The following LGI2 variants were observed in gnomAD, a reference collection of about 807,000 sequenced individuals.
LGI2 encodes the protein leucine-rich repeat LGI family member 2.
A neutral mutation model predicts 52.0 loss-of-function variants in LGI2; 30 were observed. The ratio of observed to expected loss-of-function variants is 0.58; its 90% CI spans 0.43 to 0.78. The LOEUF is 0.78. LGI2 is among the 30% of genes least tolerant of loss of function. The pLI, the probability that LGI2 is intolerant of heterozygous loss-of-function variation, is 0.00. For synonymous variants in LGI2, 270 were observed against 271.8 expected (o/e 0.99, Z 0.06); for missense variants, 573 against 692.5 (o/e 0.83, Z 1.94).
At position 25,003,272 on chromosome 4, in the gene LGI2, A is replaced by T. The variant is rs1725299782; in HGVS notation, c.*179T>A. The T allele has an allele frequency of 3.7e-6, 2 of 535,174 alleles. No homozygotes were observed. Among genetic ancestry groups the T allele is most frequent in the Non-Finnish European group, 3.2e-6 (1 of 308,612 alleles). The allele number at this position is 535,174 out of a possible 1,614,324, so 33.2% of individuals were successfully genotyped here. On this transcript the variant is annotated 3_prime_UTR_variant, in exon 8 of 8. Transcript: ENST00000382114. ...GGTAGAATGGGCATGTCATGCAGTTAGCCAATAAATGCAATCCCTGATTAA... is the reference window on the plus strand; with the variant it reads ...GGTAGAATGGGCATGTCATGCAGTTTGCCAATAAATGCAATCCCTGATTAA...
chr4:25,012,267 T>G, intron 7 of LGI2, 68 bp downstream of exon 7: 2 of 1,553,934 alleles, frequency 1.3e-6, no homozygotes, highest in Admixed American at 3.4e-5. Context: ...CAGAGGACAT[T>G]CCTCCTCCCG....
Position 25,003,368 on chromosome 4 carries a change from G to T in LGI2, c.*83C>A. 1 of 974,514 alleles carries T rather than the reference G, an allele frequency of 1.0e-6. No individual in the cohort carries two copies. The highest frequency in any genetic ancestry group is 1.5e-6 in the Non-Finnish European group (1 of 662,060). 60.4% of individuals were successfully genotyped at this position (974,514 alleles called of 1,614,324 possible). Reference sequence around the variant, plus strand: ...TTTTAATTTCAGAGCTCTGAGCCTGGCTTTGATTTGTTTGTTGATTTTTCT... The same window carrying T: ...TTTTAATTTCAGAGCTCTGAGCCTGTCTTTGATTTGTTTGTTGATTTTTCT... On this transcript the variant is annotated 3_prime_UTR_variant, in exon 8 of 8. Coordinates refer to ENST00000382114, the MANE Select transcript of LGI2 (RefSeq NM_018176.4).
chr4:25,003,710 G>A lies in LGI2; in HGVS notation c.1379C>T (p.Pro460Leu). ...CTGCAGGGTCATGGCCCCCCGGGAT[G>A]GAAGAGCTTGGATCTCCACAAACTG... is the stretch of plus-strand genomic sequence containing the variant. ...SKQFVEIQALPSRGAMTLQPF... is the reference protein window; with the variant it reads ...SKQFVEIQALLSRGAMTLQPF... The change falls in exon 8 of 8, where the codon CCA becomes CTA. Residue 460 changes from proline (P) to leucine (L), a missense_variant. Pro to Leu is a moderately conservative substitution (Grantham distance 98, BLOSUM62 -3). Coordinates refer to ENST00000382114, the MANE Select transcript of LGI2 (RefSeq NM_018176.4). 2 of 1,614,194 alleles carry A rather than the reference G, an allele frequency of 1.2e-6. No individual in the cohort carries two copies. The highest frequency in any genetic ancestry group is 4.5e-5 in the East Asian group (2 of 44,888).
chr4:25,020,609 G>A (rs932237068), intron 4 of LGI2, among the ~76,000 whole-genome samples: 19 of 152,222 alleles, frequency 1.2e-4, no homozygotes, highest in Non-Finnish European at 8.8e-5. Flanking sequence ...AGATATCTAT[G>A]AAATGCATCT....
In LGI2 at chr4:25,002,298, A is replaced by G. The variant is rs534469538; in HGVS notation, c.*1153T>C. On this transcript the variant is annotated 3_prime_UTR_variant, in exon 8 of 8. Coordinates refer to ENST00000382114, the MANE Select transcript of LGI2 (RefSeq NM_018176.4). ...GAGGAAGGAGTCTTCCTATCTGAGT[A>G]TCTTGGGTTGTGATTTGGTGTGGGC... is the stretch of plus-strand genomic sequence containing the variant. 3.9e-5 allele frequency: 6 copies of G among 152,352 alleles called. No individual in the cohort carries two copies. The highest frequency in any genetic ancestry group is 5.9e-5 in the Non-Finnish European group (4 of 68,046). 9.4% of individuals were successfully genotyped at this position (152,352 alleles called of 1,614,324 possible).
chr4:25,018,032 C>T lies in LGI2; in HGVS notation c.612G>A (p.Lys204=), dbSNP rs1725830966. 5 of 1,612,934 alleles carry T rather than the reference C, an allele frequency of 3.1e-6. No homozygotes were observed. The highest frequency in any genetic ancestry group is 4.2e-6 in the Non-Finnish European group (5 of 1,179,758). ...CIGPPEYQEK[K]LNDVTSFDYE... ...AGTCAAAGCTGGTCACGTCATTTAG[C>T]TTCTTTTCCTGATACTCTGGTGGAC... Residue 204 remains lysine (K), a synonymous_variant, in exon 6 of 8, where the codon AAG becomes AAA. Transcript: ENST00000382114.
At chr4:25,021,427 G>A (rs1713779354) in intron 4 of LGI2, among the ~76,000 whole-genome samples, 1 of 152,148 alleles carries the variant, frequency 6.6e-6, no homozygotes. Flanking sequence ...CATTGCAAAA[G>A]TTCATGAAAG....
intron 7 of LGI2, among the ~76,000 whole-genome samples, chr4:25,009,454 C>T (rs573671100): frequency 6.6e-6 from 1 of 152,260 alleles, no homozygotes; most frequent in Non-Finnish European, 1.5e-5. Flanking sequence ...TTCAAATCTT[C>T]CCACACACAG....
At chr4:25,020,907 GACTA>G (rs1725937342) in intron 4 of LGI2, among the ~76,000 whole-genome samples, 1 of 152,140 alleles carries the variant, frequency 6.6e-6, no homozygotes, top group Non-Finnish European at 1.5e-5. Context: ...TATGTAATCA[GACTA>G]AAGCTACTCT....
chr4:24,999,672 T>C lies in LGI2; in HGVS notation c.*3779A>G, dbSNP rs2109399726. The C allele has an allele frequency of 2.9e-6, 1 of 347,764 alleles. No homozygotes were observed. The highest frequency in any genetic ancestry group is 3.8e-5 in the Admixed American group (1 of 26,562). 21.5% of individuals were successfully genotyped at this position (347,764 alleles called of 1,614,324 possible). A position where few individuals can be genotyped will look rare whatever the true frequency, so the allele number is the denominator to read the frequency against. On this transcript the variant is annotated 3_prime_UTR_variant, in exon 8 of 8. Coordinates refer to ENST00000382114, the MANE Select transcript of LGI2 (RefSeq NM_018176.4). The stretch of plus-strand genomic sequence containing the variant: ...CCTGCAGATCTTCATCTCACCTTCA[T>C]TATACCCCAGGCCAGAGAAATTTCC...
chr4:24,995,645 C>T (rs1725050774), downstream of LGI2, among the ~76,000 whole-genome samples: 2 of 152,196 alleles, frequency 1.3e-5, no homozygotes, highest in South Asian at 4.1e-4. Context: ...ACGTCATACA[C>T]CAACACTTTT....
chr4:24,996,766 G>T (rs1014893930), downstream of LGI2, among the ~76,000 whole-genome samples: 1 of 152,120 alleles, frequency 6.6e-6, no homozygotes, highest in African/African-American at 2.4e-5. Flanking sequence ...GATGGTGTGA[G>T]GTAAGGCACA....
chr4:25,014,241 G>A (rs1054652909), intron 6 of LGI2, among the ~76,000 whole-genome samples: 1 of 152,172 alleles, frequency 6.6e-6, no homozygotes, highest in African/African-American at 2.4e-5. Flanking sequence ...TAAAAAGGCA[G>A]GCTGTTTAAA....
chr4:25,021,107 CAA>C (rs11445051), intron 4 of LGI2, among the ~76,000 whole-genome samples: 9 of 132,048 alleles, frequency 6.8e-5, no homozygotes, highest in Admixed American at 7.7e-5. Context: ...TGGTCAAAGC[CAA>C]AAAAAAAAAA....
intron 7 of LGI2, among the ~76,000 whole-genome samples, chr4:25,008,054 AG>A (rs1248444462): frequency 2.0e-5 from 3 of 152,294 alleles, no homozygotes; most frequent in African/African-American, 7.2e-5. Flanking sequence ...GCTCAATGCC[AG>A]CAACCGAGAG....
intron 4 of LGI2, 59 bp downstream of exon 4, chr4:25,024,761 C>T: frequency 8.4e-7 from 1 of 1,189,410 alleles, no homozygotes; most frequent in Non-Finnish European, 1.2e-6. Context: ...AGAGAGGCTC[C>T]AGGAAACCAA....
At position 25,003,157 on chromosome 4, in the gene LGI2, G is replaced by A. The variant is rs567424981; in HGVS notation, c.*294C>T. The A allele has an allele frequency of 9.5e-5, 22 of 232,766 alleles. No individual in the cohort carries two copies. Among genetic ancestry groups the A allele is most frequent in the Admixed American group, 4.3e-4 (8 of 18,582 alleles). 14.4% of individuals were successfully genotyped at this position (232,766 alleles called of 1,614,324 possible). ...ATTGTCTTCTTCCTCATCAAAAAGC[G>A]GGGGGGAAGCATATTACATTTCTAG... On this transcript the variant is annotated 3_prime_UTR_variant, in exon 8 of 8. Coordinates refer to ENST00000382114, the MANE Select transcript of LGI2 (RefSeq NM_018176.4).
At chr4:25,026,323 C>A (rs571252834) in intron 3 of LGI2, among the ~76,000 whole-genome samples, 2 of 151,092 alleles carry the variant, frequency 1.3e-5, no homozygotes, top group South Asian at 4.2e-4. Context: ...AAGCTCATTG[C>A]GAGGGGAGAA....
intron 1 of LGI2, among the ~76,000 whole-genome samples, chr4:25,029,108 G>C (rs1038987299): frequency 2.0e-5 from 3 of 152,220 alleles, no homozygotes; most frequent in Non-Finnish European, 4.4e-5. Context: ...CCATCTGCCA[G>C]ATAAAACGGT....
Sources: gnomAD v4.1 joint callset for allele counts (sites outside exome capture counted in the v4.1 genomes callset) on GRCh38, gnomAD v4.1.1 for gene constraint, MANE v1.5 for transcripts, NCBI Gene and HGNC (gene_info 2026-07-23, HGNC 2026-07-21) for gene names.